Variants in CLTCL1 observed in about 807,000 individuals in gnomAD.
CLTCL1 encodes the protein clathrin heavy chain like 1, also known as clathrin heavy chain 2.
CLTCL1 carries 159 observed loss-of-function variants against 190.0 expected under a neutral mutation model. The ratio of observed to expected loss-of-function variants is 0.84; its 90% CI spans 0.74 to 0.95. The LOEUF (loss-of-function observed/expected upper bound fraction) is 0.95, where lower values mean the gene tolerates loss of function less well. Ranked by LOEUF, CLTCL1 falls within the 40% of genes least tolerant of loss-of-function variation. The probability of loss-of-function intolerance (pLI) is 0.00; values close to 1 mark genes in which losing one functional copy is unlikely to be tolerated. For synonymous variants in CLTCL1, 752 were observed against 769.6 expected (o/e 0.98, Z 0.38); for missense variants, 1,878 against 2,033.4 (o/e 0.92, Z 1.47).
intron 2 of CLTCL1, chr22:19,258,483 A>G (rs2086837956): frequency 2.2e-6 from 1 of 462,818 alleles, no homozygotes; most frequent in Non-Finnish European, 4.1e-6. Flanking sequence ...CTTGGAGAAC[A>G]GCCTAAGGGA....
chr22:19,269,602 A>G (rs2087237273), intron 2 of CLTCL1, among the ~76,000 whole-genome samples: 1 of 152,222 alleles, frequency 6.6e-6, no homozygotes, highest in African/African-American at 2.4e-5. Context: ...CTATGCAGCC[A>G]CAAAAAGAAA....
chr22:19,244,577 G>A (rs1460050557), intron 3 of CLTCL1, among the ~76,000 whole-genome samples: 1 of 152,182 alleles, frequency 6.6e-6, no homozygotes, highest in African/African-American at 2.4e-5. Flanking sequence ...CCAGCAACAT[G>A]ATGATAGCAC....
chr22:19,208,371 A>G, intron 21 of CLTCL1, 60 bp from the exon 22 acceptor site: 4 of 1,575,676 alleles, frequency 2.5e-6, no homozygotes, highest in Non-Finnish European at 3.5e-6. Flanking sequence ...CAAGGGCTCA[A>G]TTCCTCCCAT....
At chr22:19,203,579 G>A (rs2084962684) in intron 22 of CLTCL1, among the ~76,000 whole-genome samples, 1 of 152,106 alleles carries the variant, frequency 6.6e-6, no homozygotes, top group African/African-American at 2.4e-5. Flanking sequence ...CCACCCCGCT[G>A]GCCAGTCTCC....
chr22:19,237,954 CAA>C (rs782233183), intron 5 of CLTCL1, among the ~76,000 whole-genome samples: 3 of 151,972 alleles, frequency 2.0e-5, no homozygotes, highest in Non-Finnish European at 2.9e-5. Context: ...TTTATGAGAA[CAA>C]AAGAGTAAAA....
chr22:19,231,157 C>T (rs564380164), intron 10 of CLTCL1, among the ~76,000 whole-genome samples: 1 of 152,298 alleles, frequency 6.6e-6, no homozygotes, highest in African/African-American at 2.4e-5. Flanking sequence ...CCAAGGTCTC[C>T]TCTAGCTTGC....
intron 1 of CLTCL1, among the ~76,000 whole-genome samples, chr22:19,277,483 C>T (rs1194666626): frequency 6.6e-6 from 1 of 152,092 alleles, no homozygotes; most frequent in Non-Finnish European, 1.5e-5. Flanking sequence ...ATTATGTTCC[C>T]AAATGAGTCC....
intron 23 of CLTCL1, among the ~76,000 whole-genome samples, chr22:19,200,433 T>C (rs1555938592): frequency 6.6e-6 from 1 of 152,248 alleles, no homozygotes; most frequent in Non-Finnish European, 1.5e-5. Context: ...CACAGTGGAA[T>C]TACATCATAC....
chr22:19,291,508 T>C, intron 1 of CLTCL1, 92 bp downstream of exon 1: 1 of 1,159,158 alleles, frequency 8.6e-7, no homozygotes, highest in Non-Finnish European at 1.1e-6. Flanking sequence ...GGGCAGCGGC[T>C]CAGCGGGGCT....
chr22:19,208,089 T>A, intron 22 of CLTCL1, 65 bp downstream of exon 22: 1 of 1,598,954 alleles, frequency 6.3e-7, no homozygotes, highest in East Asian at 2.2e-5. Context: ...GGACTGCTGC[T>A]CTGAGGAACA....
intron 27 of CLTCL1, 108 bp downstream of exon 27, chr22:19,191,196 G>T (rs2084490983): frequency 7.4e-7 from 1 of 1,360,064 alleles, no homozygotes; most frequent in African/African-American, 1.4e-5. Context: ...GAATCTTCAA[G>T]TCAGCTGGGG....
At chr22:19,226,156 G>A (rs2085736173) in intron 12 of CLTCL1, 63 bp downstream of exon 12, 3 of 1,546,554 alleles carry the variant, frequency 1.9e-6, no homozygotes, top group East Asian at 4.6e-5. Context: ...GAACACTGGG[G>A]AGCATGTGAC....
At chr22:19,267,623 G>A (rs995282527) in intron 2 of CLTCL1, among the ~76,000 whole-genome samples, 3 of 152,210 alleles carry the variant, frequency 2.0e-5, no homozygotes, top group Non-Finnish European at 2.9e-5. Flanking sequence ...GTCGGGCACA[G>A]TGGCTCACAC....
chr22:19,216,852 G>A (rs2085400843), intron 18 of CLTCL1, among the ~76,000 whole-genome samples: 1 of 152,240 alleles, frequency 6.6e-6, no homozygotes, highest in African/African-American at 2.4e-5. Context: ...ACAGCAGTTT[G>A]GAACGCCAGC....
intron 2 of CLTCL1, chr22:19,257,897 C>T (rs782518565): frequency 7.3e-7 from 1 of 1,360,944 alleles, no homozygotes; most frequent in Non-Finnish European, 9.8e-7. Context: ...AGGTCAGAGA[C>T]TGGGCCATTA....
chr22:19,276,755 C>T (rs551039530), intron 1 of CLTCL1, among the ~76,000 whole-genome samples: 3 of 152,140 alleles, frequency 2.0e-5, no homozygotes, highest in South Asian at 2.1e-4. Context: ...CTGCAAGCTC[C>T]GCCTCCCGGG....
At position 19,216,149 on chromosome 22, in the gene CLTCL1, C is replaced by T; in HGVS notation, c.3027G>A (p.Glu1009=). The change falls in exon 19 of 33, where the codon GAG becomes GAA. Residue 1009 remains glutamate (E), a synonymous_variant. Coordinates refer to ENST00000427926, the MANE Select transcript of CLTCL1 (RefSeq NM_007098.4). ...DLPNELIELL[E]KIVLDNSVFS... is the part of the protein sequence containing the mutation. ...AGACAGAGTTATCCAGAACTATCTT[C>T]TCCAGCAGTTCAATCAGTTCATTAG... 3 of 1,613,944 alleles carry T rather than the reference C, an allele frequency of 1.9e-6. No homozygotes were observed. The highest frequency in any genetic ancestry group is 1.7e-6 in the Non-Finnish European group (2 of 1,179,850).
At chr22:19,259,018 G>C (rs960200397) in intron 2 of CLTCL1, among the ~76,000 whole-genome samples, 3 of 152,058 alleles carry the variant, frequency 2.0e-5, no homozygotes, top group Non-Finnish European at 4.4e-5. Context: ...AGAGAGAAAA[G>C]GCAACCCACA....
intron 22 of CLTCL1, among the ~76,000 whole-genome samples, chr22:19,206,114 T>TG (rs2085042107): frequency 6.6e-6 from 1 of 152,164 alleles, no homozygotes; most frequent in Admixed American, 6.5e-5. Flanking sequence ...TTGGTAGAGA[T>TG]GGGGTTTCTC....
Sources: gnomAD v4.1 joint callset for allele counts (sites outside exome capture counted in the v4.1 genomes callset) on GRCh38, gnomAD v4.1.1 for gene constraint, MANE v1.5 for transcripts, NCBI Gene and HGNC (gene_info 2026-07-23, HGNC 2026-07-21) for gene names.